Variants in AK5 observed in about 807,000 individuals in gnomAD.
The protein encoded by AK5 is adenylate kinase 5.
Under a neutral mutation model 69.5 loss-of-function variants are expected in AK5, and 27 were observed. The observed-to-expected ratio is 0.39, with a 90% CI of 0.29 to 0.54. The LOEUF (loss-of-function observed/expected upper bound fraction) is 0.54. Among genes scored for constraint, AK5 ranks in the 20% least tolerant of loss-of-function variants. The pLI, the probability that AK5 is intolerant of heterozygous loss-of-function variation, is 0.71. For synonymous variants in AK5, 260 were observed against 244.4 expected, an observed-to-expected ratio of 1.06 and a Z score of -0.60; for missense variants, 531 against 700.4, an observed-to-expected ratio of 0.76 and a Z score of 2.73.
chr1:77,362,802 A>ATATAAATT (rs1483352826), intron 6 of AK5, among the ~76,000 whole-genome samples: 1 of 152,232 alleles, frequency 6.6e-6, no homozygotes, highest in Non-Finnish European at 1.5e-5. Context: ...TTGGCTGGTA[A>ATATAAATT]TATAAATTGC....
chr1:77,470,091 T>G (rs1158446334), intron 8 of AK5, among the ~76,000 whole-genome samples: 1 of 152,230 alleles, frequency 6.6e-6, no homozygotes, highest in Non-Finnish European at 1.5e-5. Flanking sequence ...AAAATACTCA[T>G]AGTCTTAATT....
intron 5 of AK5, among the ~76,000 whole-genome samples, chr1:77,307,140 T>C (rs1424728879): frequency 6.6e-6 from 1 of 151,938 alleles, no homozygotes; most frequent in Non-Finnish European, 1.5e-5. Flanking sequence ...TACTAATTTT[T>C]TTTGTTTGAT....
At chr1:77,317,201 C>T (rs1302646633) in intron 5 of AK5, among the ~76,000 whole-genome samples, 5 of 152,168 alleles carry the variant, frequency 3.3e-5, no homozygotes, top group Non-Finnish European at 7.3e-5. Flanking sequence ...TGAGGCTCCT[C>T]AGGCATCTCT....
intron 5 of AK5, among the ~76,000 whole-genome samples, chr1:77,311,118 C>G (rs1446611698): frequency 3.9e-5 from 6 of 152,090 alleles, no homozygotes; most frequent in Non-Finnish European, 7.3e-5. Flanking sequence ...CTGACTCATT[C>G]ATGTTGTAAA....
rs375029763 is a variant in AK5 at position 77,488,780 on chromosome 1, T to A, written c.1147+2428T>A. 3.9e-5 allele frequency among the ~76,000 whole-genome samples: 6 copies of A among 152,220 alleles called. No individual in the cohort carries two copies. The East Asian group carries it at 1.2e-3, about 29-fold the overall frequency. ...TATTTGCTGGCAGCTGATTAGATTG[T>A]GCCCACCAGATTAAGAGTGGATCTG... is the stretch of plus-strand genomic sequence containing the variant. On this transcript the variant is annotated intron_variant, in intron 10 of 13. Coordinates refer to ENST00000354567, the MANE Select transcript of AK5 (RefSeq NM_174858.3).
At chr1:77,364,823 A>G (rs1336565358) in intron 6 of AK5, among the ~76,000 whole-genome samples, 2 of 152,186 alleles carry the variant, frequency 1.3e-5, no homozygotes. Context: ...TAGAGCTTCA[A>G]TAAACATGGG....
intron 5 of AK5, among the ~76,000 whole-genome samples, chr1:77,307,868 C>CAGGTA: frequency 6.6e-6 from 1 of 152,216 alleles, no homozygotes; most frequent in South Asian, 2.1e-4. Context: ...AAGTTAAAAC[C>CAGGTA]AGGTACTGTT....
chr1:77,368,232 TATATATATATATATATATATA>T (rs1647038484), intron 6 of AK5, among the ~76,000 whole-genome samples: 3 of 26,900 alleles, frequency 1.1e-4, no homozygotes, highest in Non-Finnish European at 2.5e-4. Context: ...TATATATATA[TATATATATATATATATATATA>T]ATATATATGT....
At chr1:77,395,353 A>G (rs1416168947) in intron 6 of AK5, among the ~76,000 whole-genome samples, 1 of 152,194 alleles carries the variant, frequency 6.6e-6, no homozygotes. Flanking sequence ...TGAGGCTTCT[A>G]ACAAATTCTA....
intron 5 of AK5, among the ~76,000 whole-genome samples, chr1:77,310,686 C>G (rs968280763): frequency 6.6e-6 from 1 of 151,988 alleles, no homozygotes; most frequent in South Asian, 2.1e-4. Flanking sequence ...CGGCCCTATT[C>G]TTTTTTAAGT....
chr1:77,356,598 C>G (rs1662538112), intron 6 of AK5, among the ~76,000 whole-genome samples: 1 of 152,148 alleles, frequency 6.6e-6, no homozygotes, highest in Admixed American at 6.5e-5. Context: ...TGCCTGCCTC[C>G]TAAGTGGGCT....
intron 8 of AK5, among the ~76,000 whole-genome samples, chr1:77,478,457 T>G (rs1395560750): frequency 6.6e-6 from 1 of 152,220 alleles, no homozygotes; most frequent in Non-Finnish European, 1.5e-5. Flanking sequence ...AAGCTCTCCT[T>G]GCCTGCTGCC....
intron 10 of AK5, among the ~76,000 whole-genome samples, chr1:77,510,871 A>G (rs1657309074): frequency 6.6e-6 from 1 of 151,772 alleles, no homozygotes; most frequent in Non-Finnish European, 1.5e-5. Context: ...AGTAAATAAT[A>G]TATATCATAC....
At chr1:77,548,357 A>G (rs2029768) in intron 13 of AK5, among the ~76,000 whole-genome samples, 107,081 of 152,018 alleles carry the variant, frequency 0.7, 38,409 homozygotes, top group Non-Finnish European at 0.78. Context: ...ACATAACCCC[A>G]ACTTTTGAAA....
At chr1:77,419,229 G>T (rs775915849) in intron 8 of AK5, among the ~76,000 whole-genome samples, 1 of 152,104 alleles carries the variant, frequency 6.6e-6, no homozygotes, top group Non-Finnish European at 1.5e-5. Flanking sequence ...CCAAAGACAG[G>T]TCATTCAATG....
chr1:77,326,707 T>C (rs1302537126), intron 5 of AK5, among the ~76,000 whole-genome samples: 1 of 152,218 alleles, frequency 6.6e-6, no homozygotes, highest in East Asian at 1.9e-4. Flanking sequence ...TAAATCACTT[T>C]TCTAATACTT....
At chr1:77,375,904 A>G (rs1306395306) in intron 6 of AK5, among the ~76,000 whole-genome samples, 1 of 152,150 alleles carries the variant, frequency 6.6e-6, no homozygotes, top group Non-Finnish European at 1.5e-5. Flanking sequence ...CTGTTTTCTC[A>G]TCTGTGGGAA....
At position 77,443,854 on chromosome 1, in the gene AK5, A is replaced by G. The variant is rs1003673670; in HGVS notation, c.1059+26139A>G. Among the ~76,000 whole-genome samples, 5 of 152,098 alleles carry G rather than the reference A, an allele frequency of 3.3e-5. No individual in the cohort carries two copies. In the South Asian group the frequency reaches 8.3e-4, roughly 25 times the overall value. On this transcript the variant is annotated intron_variant, in intron 8 of 13. Transcript: ENST00000354567. ...GGTATACAACATGATGTTAAGAGAT[A>G]CATCTATATAGTAAAATAATTATTA...
chr1:77,470,144 G>A (rs1654372627), intron 8 of AK5, among the ~76,000 whole-genome samples: 1 of 152,192 alleles, frequency 6.6e-6, no homozygotes, highest in African/African-American at 2.4e-5. Context: ...ACCTTGTGGT[G>A]TTAGCATGAG....
Sources: gnomAD v4.1 joint callset for allele counts (sites outside exome capture counted in the v4.1 genomes callset) on GRCh38, gnomAD v4.1.1 for gene constraint, MANE v1.5 for transcripts, NCBI Gene and HGNC (gene_info 2026-07-23, HGNC 2026-07-21) for gene names.